The following PRKCZ variants were observed in gnomAD, a reference collection of about 807,000 sequenced individuals.
PRKCZ encodes the protein protein kinase C zeta, also known as protein kinase C zeta type.
PRKCZ carries 33 observed loss-of-function variants against 79.5 expected under a neutral mutation model. The observed-to-expected ratio is 0.41, with a 90% CI of 0.31 to 0.55. PRKCZ has a LOEUF of 0.55. Ranked by LOEUF, PRKCZ falls within the 20% of genes least tolerant of loss-of-function variation. The probability of loss-of-function intolerance (pLI) is 0.19; values close to 1 mark genes in which losing one functional copy is unlikely to be tolerated. For synonymous variants in PRKCZ, 342 were observed against 320.9 expected, an observed-to-expected ratio of 1.07 and a Z score of -0.70; for missense variants, 578 against 813.5, an observed-to-expected ratio of 0.71 and a Z score of 3.52.
Position 2,165,940 on chromosome 1 carries a change from C to T in PRKCZ, c.975-3578C>T, listed in dbSNP as rs554524222. Among the ~76,000 whole-genome samples the T allele has an allele frequency of 1.3e-4, 20 of 152,344 alleles. 1 individual carries two copies. The South Asian group carries it at 3.5e-3, about 27-fold the overall frequency. ...CCTAGGAGGTTTCGTGAGCTTCCAGCATCCCCCTGCGGCCACTGTCCCTCC... is the reference window on the plus strand; with the variant it reads ...CCTAGGAGGTTTCGTGAGCTTCCAGTATCCCCCTGCGGCCACTGTCCCTCC... On this transcript the variant is annotated intron_variant, in intron 10 of 17. Coordinates refer to ENST00000378567, the MANE Select transcript of PRKCZ (RefSeq NM_002744.6). The surrounding 1 kb of genome is among the most constrained non-coding windows in gnomAD (Gnocchi z 4.1).
chr1:2,113,275 A>G (rs573172806), intron 4 of PRKCZ, among the ~76,000 whole-genome samples: 1 of 151,306 alleles, frequency 6.6e-6, no homozygotes, highest in Non-Finnish European at 1.5e-5. Context: ...TTTCCTCCCC[A>G]CTGGTCTCGC....
chr1:2,144,784 C>A, intron 6 of PRKCZ: 1 of 323,396 alleles, frequency 3.1e-6, no homozygotes, highest in Non-Finnish European at 4.6e-6. Flanking sequence ...GAGGGCGGCA[C>A]CTTCCCTCCG....
chr1:2,149,225 CT>C lies in PRKCZ; in HGVS notation c.687+305del, dbSNP rs1056594595. ...GGTGGTACAGTGGCCCAGGGGCTGG[CT>C]TTTGAGCTGCAATTTTTATCAAGTT... On this transcript the variant is annotated intron_variant, in intron 8 of 17. Transcript: ENST00000378567. The surrounding 1 kb of genome is among the most constrained non-coding windows in gnomAD (Gnocchi z 4.1). Among the ~76,000 whole-genome samples the C allele has an allele frequency of 2.0e-5, 3 of 152,230 alleles. No homozygotes were observed. Among genetic ancestry groups the C allele is most frequent in the Admixed American group, 6.5e-5 (1 of 15,282 alleles).
At chr1:2,151,817 A>T (rs1327142593) in intron 9 of PRKCZ, among the ~76,000 whole-genome samples, 2 of 151,698 alleles carry the variant, frequency 1.3e-5, no homozygotes, top group Non-Finnish European at 1.5e-5. Flanking sequence ...CACCACCCCC[A>T]GCTGTATAAT....
At chr1:2,102,691 A>AT (rs1485614888) in intron 4 of PRKCZ, among the ~76,000 whole-genome samples, 6 of 151,984 alleles carry the variant, frequency 3.9e-5, no homozygotes, top group African/African-American at 1.2e-4. Context: ...AACTTCGTGT[A>AT]TTTTTTTCTC....
At chr1:2,160,409 G>T (rs1047387785) in intron 10 of PRKCZ, among the ~76,000 whole-genome samples, 1 of 152,204 alleles carries the variant, frequency 6.6e-6, no homozygotes, top group African/African-American at 2.4e-5. Flanking sequence ...AGCAGAGTGG[G>T]ACTCCGTGGA....
rs1674203440 is a variant in PRKCZ, at chr1:2,127,653, T to C, written c.335-7609T>C. Among the ~76,000 whole-genome samples, 1 of 152,198 alleles carries C rather than the reference T, an allele frequency of 6.6e-6. No homozygotes were observed. Among genetic ancestry groups the C allele is most frequent in the Non-Finnish European group, 1.5e-5 (1 of 68,024 alleles). On this transcript the variant is annotated intron_variant, in intron 4 of 17. Transcript: ENST00000378567. This position sits in a 1 kb window ranked among gnomAD's most constrained non-coding sequence, Gnocchi z 5.1. ...GCTCTGGTGCAGGTGTAGCCGAGGC[T>C]CAGGGGCTCCACACCAGGCAAATAG...
At chr1:2,063,027 T>A (rs888251431) in intron 4 of PRKCZ, among the ~76,000 whole-genome samples, 7 of 152,032 alleles carry the variant, frequency 4.6e-5, no homozygotes, top group Non-Finnish European at 8.8e-5. Flanking sequence ...TCGCACAGGA[T>A]CTGTCCTTTT....
rs139706413 is a variant in PRKCZ, at chr1:2,125,278, C to T, written c.335-9984C>T. Among the ~76,000 whole-genome samples, 229 of 152,294 alleles carry T rather than the reference C, an allele frequency of 1.5e-3. No individual in the cohort carries two copies. Among genetic ancestry groups the T allele is most frequent in the African/African-American group, 4.9e-3 (205 of 41,556 alleles). On this transcript the variant is annotated intron_variant, in intron 4 of 17. Coordinates refer to ENST00000378567, the MANE Select transcript of PRKCZ (RefSeq NM_002744.6). The surrounding 1 kb of genome is among the most constrained non-coding windows in gnomAD (Gnocchi z 4.2). Reference sequence around the variant, plus strand: ...TTGGAAGTTGGCGTACATCTTTCCACGGAAACTATGAAAATACTGGTCAGC... The same window carrying T: ...TTGGAAGTTGGCGTACATCTTTCCATGGAAACTATGAAAATACTGGTCAGC...
rs1250448344 is a variant in PRKCZ, at chr1:2,168,079, C to T, written c.975-1439C>T. ...GACGTTCCTGCACATCGAGGGCACCCTCAGAGCTGCTCTTTCTGTCATTGC... is the reference window on the plus strand; with the variant it reads ...GACGTTCCTGCACATCGAGGGCACCTTCAGAGCTGCTCTTTCTGTCATTGC... On this transcript the variant is annotated intron_variant, in intron 10 of 17. Transcript: ENST00000378567. The surrounding 1 kb of genome is among the most constrained non-coding windows in gnomAD (Gnocchi z 4.7). Among the ~76,000 whole-genome samples, 1 of 152,158 alleles carries T rather than the reference C, an allele frequency of 6.6e-6. No homozygotes were observed. Among genetic ancestry groups the T allele is most frequent in the Non-Finnish European group, 1.5e-5 (1 of 68,034 alleles).
intron 4 of PRKCZ, among the ~76,000 whole-genome samples, chr1:2,103,189 A>G (rs1667795412): frequency 6.6e-6 from 1 of 152,086 alleles, no homozygotes; most frequent in South Asian, 2.1e-4. Context: ...AATTGTACTC[A>G]TATCTCTGTT....
At chr1:2,138,079 T>G (rs1181509624) in intron 5 of PRKCZ, among the ~76,000 whole-genome samples, 1 of 152,198 alleles carries the variant, frequency 6.6e-6, no homozygotes, top group Non-Finnish European at 1.5e-5. Flanking sequence ...CTCCATGTAG[T>G]GCTCACTTCA....
intron 4 of PRKCZ, among the ~76,000 whole-genome samples, chr1:2,124,611 A>C (rs1000434260): frequency 6.6e-6 from 1 of 152,034 alleles, no homozygotes. Context: ...AAACATGAGA[A>C]AGTCAATGCC....
rs115990832 is a variant in PRKCZ, at chr1:2,079,930, C to T, written c.334+20339C>T. ...TCACCCCTAGTAAGGAGTCTGCTGC[C>T]CCCGCAAGCCCTCTCGTTCCCTGGC... On this transcript the variant is annotated intron_variant, in intron 4 of 17. Coordinates refer to ENST00000378567, the MANE Select transcript of PRKCZ (RefSeq NM_002744.6). 5.3e-3 allele frequency among the ~76,000 whole-genome samples: 814 copies of T among 152,308 alleles called. 10 individuals are homozygous for T. Among genetic ancestry groups the T allele is most frequent in the African/African-American group, 0.019 (778 of 41,570 alleles).
At position 2,173,994 on chromosome 1, in the gene PRKCZ, C is replaced by T; in HGVS notation, c.1383C>T (p.Asn461=). The part of the protein sequence containing the change: ...FDIITDNPDM[N]TEDYLFQVIL... ...TCATCACCGACAACCCGGACATGAACACAGAGGACTACCTTTTCCAAGGTG... is the reference window on the plus strand; with the variant it reads ...TCATCACCGACAACCCGGACATGAATACAGAGGACTACCTTTTCCAAGGTG... Residue 461 remains asparagine (N), a synonymous_variant, in exon 14 of 18, where the codon AAC becomes AAT. Transcript: ENST00000378567. The surrounding 1 kb of genome is among the most constrained non-coding windows in gnomAD (Gnocchi z 5.7). 1 of 1,611,744 alleles carries T rather than the reference C, an allele frequency of 6.2e-7. No individual in the cohort carries two copies. The highest frequency in any genetic ancestry group is 8.5e-7 in the Non-Finnish European group (1 of 1,178,776).
At chr1:2,162,323 G>A (rs896154664) in intron 10 of PRKCZ, among the ~76,000 whole-genome samples, 2 of 152,166 alleles carry the variant, frequency 1.3e-5, no homozygotes, top group Non-Finnish European at 2.9e-5. Flanking sequence ...GTAGAGACGG[G>A]GTTTCACCCT....
intron 4 of PRKCZ, among the ~76,000 whole-genome samples, chr1:2,085,391 T>C (rs1664312538): frequency 1.3e-5 from 2 of 152,264 alleles, no homozygotes; most frequent in Admixed American, 1.3e-4. Flanking sequence ...ACCATCTTAC[T>C]GCTCACCTGG....
rs1323031778 is a variant in PRKCZ at position 2,174,609 on chromosome 1, T to C, written c.1406-145T>C. 2 of 740,530 alleles carry C rather than the reference T, an allele frequency of 2.7e-6. No individual in the cohort carries two copies. Among genetic ancestry groups the C allele is most frequent in the African/African-American group, 3.5e-5 (2 of 56,672 alleles). The allele number at this position is 740,530 out of a possible 1,614,324, so 45.9% of individuals were successfully genotyped here. A position where few individuals can be genotyped will look rare whatever the true frequency, so the allele number is the denominator to read the frequency against. On this transcript the variant is annotated intron_variant, in intron 14 of 17. Coordinates refer to ENST00000378567, the MANE Select transcript of PRKCZ (RefSeq NM_002744.6). This position sits in a 1 kb window ranked among gnomAD's most constrained non-coding sequence, Gnocchi z 6.2. ...GAGGACCCGGCGGGACTCCGGGTTA[T>C]AGATATTGCTGGGCTGTAGGAAGGG...
chr1:2,184,141 C>A, intron 16 of PRKCZ: 1 of 153,706 alleles, frequency 6.5e-6, no homozygotes. Context: ...CAGAAATGGG[C>A]CGGCAGGAGG....
Sources: gnomAD v4.1 joint callset for allele counts (sites outside exome capture counted in the v4.1 genomes callset) on GRCh38, gnomAD v4.1.1 for gene constraint, Gnocchi (gnomAD v3.1) non-coding constraint, MANE v1.5 for transcripts, NCBI Gene and HGNC (gene_info 2026-07-23, HGNC 2026-07-21) for gene names.